TM4SF18: variants seen among roughly 807,000 people sequenced by gnomAD.
TM4SF18 encodes the protein transmembrane 4 L6 family member 18.
TM4SF18 carries 22 observed loss-of-function variants against 23.8 expected under a neutral mutation model. The ratio of observed to expected loss-of-function variants is 0.92; its 90% CI spans 0.66 to 1.32. The LOEUF (loss-of-function observed/expected upper bound fraction) is 1.32. Among genes scored for constraint, TM4SF18 ranks in the 40% most tolerant of loss-of-function variants. TM4SF18 has a pLI of 0.00. For missense variants in TM4SF18, 255 were observed against 240.3 expected (o/e 1.06, Z -0.41); for synonymous variants, 87 against 87.9 (o/e 0.99, Z 0.06).
At chr3:149,324,200 A>G (rs931248330) in intron 4 of TM4SF18, among the ~76,000 whole-genome samples, 1 of 152,172 alleles carries the variant, frequency 6.6e-6, no homozygotes, top group Admixed American at 6.5e-5. Context: ...TAAGCCCAGC[A>G]CAATGCCAGT....
chr3:149,322,905 C>CTTTTTTTTTGTTTTTTTTTTTTT, intron 4 of TM4SF18, among the ~76,000 whole-genome samples: 1 of 128,768 alleles, frequency 7.8e-6, no homozygotes, highest in Non-Finnish European at 1.7e-5. Flanking sequence ...GGCCTCCAGA[C>CTTTTTTTTTGTTTTTTTTTTTTT]TTTTTTTTTT....
chr3:149,330,916 T>C (rs998341490), intron 2 of TM4SF18, among the ~76,000 whole-genome samples: 1 of 152,200 alleles, frequency 6.6e-6, no homozygotes, highest in Non-Finnish European at 1.5e-5. Flanking sequence ...GACTTCAATT[T>C]CCCCATGCAT....
intron 5 of TM4SF18, 102 bp downstream of exon 5, chr3:149,322,154 G>C: frequency 9.7e-7 from 1 of 1,028,150 alleles, no homozygotes. Context: ...TAGAAATGGG[G>C]GGAAAGTGAT....
rs1443147385 is a variant in TM4SF18, at chr3:149,333,515, C to T, written c.-20G>A. On this transcript the variant is annotated splice_region_variant and 5_prime_UTR_variant, in exon 1 of 6. In the 5' UTR this introduces an upstream ATG that the reference lacks. Transcript: ENST00000296059. ...TTTTTTTTTTTGAGATTACCTACCACTTCCAGGGTCAGAGCCCTTCACTTC... is the reference window on the plus strand; with the variant it reads ...TTTTTTTTTTTGAGATTACCTACCATTTCCAGGGTCAGAGCCCTTCACTTC... 3 of 597,870 alleles carry T rather than the reference C, an allele frequency of 5.0e-6. No individual in the cohort carries two copies. The highest frequency in any genetic ancestry group is 7.8e-6 in the Non-Finnish European group (3 of 385,284). The allele number at this position is 597,870 out of a possible 1,614,324, so 37.0% of individuals were successfully genotyped here.
At chr3:149,325,830 C>G (rs1030169374) in intron 3 of TM4SF18, among the ~76,000 whole-genome samples, 2 of 152,110 alleles carry the variant, frequency 1.3e-5, no homozygotes, top group African/African-American at 4.8e-5. Context: ...TCCTCCCAAC[C>G]TTAAAAAATG....
At position 149,321,300 on chromosome 3, in the gene TM4SF18, A is replaced by C. The variant is rs1216456859; in HGVS notation, c.*178T>G. On this transcript the variant is annotated 3_prime_UTR_variant, in exon 6 of 6. Transcript: ENST00000296059. ...AGTTTCTGATGCATATTACTTAAAAAACATACTAAATGGAAGGGTGGTATA... is the reference window on the plus strand; with the variant it reads ...AGTTTCTGATGCATATTACTTAAAACACATACTAAATGGAAGGGTGGTATA... The C allele has an allele frequency of 6.9e-6, 3 of 437,796 alleles. No homozygotes were observed. The highest frequency in any genetic ancestry group is 6.1e-5 in the African/African-American group (3 of 49,144). The allele number at this position is 437,796 out of a possible 1,614,324, so 27.1% of individuals were successfully genotyped here. A position where few individuals can be genotyped will look rare whatever the true frequency, so the allele number is the denominator to read the frequency against.
intron 3 of TM4SF18, among the ~76,000 whole-genome samples, chr3:149,328,610 A>G (rs751205461): frequency 2.0e-5 from 3 of 152,224 alleles, no homozygotes; most frequent in Non-Finnish European, 4.4e-5. Context: ...AAAGTTTTAC[A>G]TAAAAATCCA....
Position 149,330,450 on chromosome 3 carries a change from A to G in TM4SF18, c.178-31T>C, listed in dbSNP as rs536865860. The G allele has an allele frequency of 4.3e-5, 60 of 1,406,282 alleles. No individual in the cohort carries two copies. In the South Asian group the frequency reaches 7.1e-4, roughly 17 times the overall value. The allele number at this position is 1,406,282 out of a possible 1,614,324, so 87.1% of individuals were successfully genotyped here. ...GGAGGGAAGACATAAAATGTTAGCA[A>G]TGAAATGCTAGTTTACATTTGTGCT... On this transcript the variant is annotated intron_variant, in intron 2 of 5. Coordinates refer to ENST00000296059, the MANE Select transcript of TM4SF18 (RefSeq NM_138786.4).
In TM4SF18 at chr3:149,326,069, A is replaced by T. The variant is rs532824767; in HGVS notation, c.268-1047T>A. Among the ~76,000 whole-genome samples the T allele has an allele frequency of 5.3e-5, 8 of 152,232 alleles. No individual in the cohort carries two copies. In the East Asian group the frequency reaches 1.4e-3, roughly 26 times the overall value. The stretch of plus-strand genomic sequence containing the variant: ...GCCATTAGGTTGCAGACATTATGAT[A>T]TTTCACCCCTAAATATTTCAGCATA... On this transcript the variant is annotated intron_variant, in intron 3 of 5. Coordinates refer to ENST00000296059, the MANE Select transcript of TM4SF18 (RefSeq NM_138786.4).
chr3:149,323,810 G>C (rs774605668), intron 4 of TM4SF18, among the ~76,000 whole-genome samples: 3 of 152,170 alleles, frequency 2.0e-5, no homozygotes, highest in Non-Finnish European at 4.4e-5. Context: ...GACTGCCTGT[G>C]GGGTTGGGCA....
chr3:149,325,071 G>T, intron 3 of TM4SF18, 49 bp from the exon 4 acceptor site: 1 of 1,570,810 alleles, frequency 6.4e-7, no homozygotes, highest in Non-Finnish European at 8.7e-7. Flanking sequence ...GCGACAAGGG[G>T]ATATTGTGGA....
At chr3:149,331,898 T>A (rs1057309605) in intron 2 of TM4SF18, among the ~76,000 whole-genome samples, 5 of 152,222 alleles carry the variant, frequency 3.3e-5, no homozygotes, top group African/African-American at 1.2e-4. Flanking sequence ...TTTTCACCAC[T>A]GTATGAAGTG....
At chr3:149,326,003 A>AT (rs1559990954) in intron 3 of TM4SF18, among the ~76,000 whole-genome samples, 3 of 152,180 alleles carry the variant, frequency 2.0e-5, no homozygotes. Flanking sequence ...ACACCTGTAC[A>AT]TATATACAAA....
chr3:149,325,113 AC>A, intron 3 of TM4SF18, 91 bp from the exon 4 acceptor site: 1 of 1,325,584 alleles, frequency 7.5e-7, no homozygotes, highest in Non-Finnish European at 1.1e-6. Context: ...TCCCCTATTC[AC>A]CCAAGCTCAT....
chr3:149,324,865 G>T lies in TM4SF18; in HGVS notation c.410+15C>A. The stretch of plus-strand genomic sequence containing the variant: ...TGATTTTCCGACCTCCTTGGTTTGG[G>T]GAATTATTCCTTACCGTCCAGCAGT... On this transcript the variant is annotated intron_variant, in intron 4 of 5. Transcript: ENST00000296059. 1 of 1,613,424 alleles carries T rather than the reference G, an allele frequency of 6.2e-7. No individual in the cohort carries two copies. The highest frequency in any genetic ancestry group is 8.5e-7 in the Non-Finnish European group (1 of 1,179,582).
At chr3:149,325,114 C>T (rs992090407) in intron 3 of TM4SF18, 92 bp from the exon 4 acceptor site, 4 of 1,322,478 alleles carry the variant, frequency 3.0e-6, no homozygotes, top group Non-Finnish European at 4.2e-6. Context: ...CCCCTATTCA[C>T]CCAAGCTCAT....
At chr3:149,321,534 C>T (rs1576829920) in intron 5 of TM4SF18, 42 bp from the exon 6 acceptor site, 2 of 1,469,116 alleles carry the variant, frequency 1.4e-6, no homozygotes, top group East Asian at 2.3e-5. Context: ...AAGTTATAAA[C>T]TTGGCTTGAT....
chr3:149,324,691 G>A lies in TM4SF18; in HGVS notation c.410+189C>T, dbSNP rs1386336869. On this transcript the variant is annotated intron_variant, in intron 4 of 5. Coordinates refer to ENST00000296059, the MANE Select transcript of TM4SF18 (RefSeq NM_138786.4). ...ATGAAAATGGCATTAAAAGACTGAA[G>A]AAAAAAATCTAAACAAAGATCTGTG... The A allele has an allele frequency of 7.2e-5, 49 of 684,130 alleles. No homozygotes were observed. The East Asian group carries it at 1.4e-3, about 19-fold the overall frequency. 42.4% of individuals were successfully genotyped at this position (684,130 alleles called of 1,614,324 possible). A position where few individuals can be genotyped will look rare whatever the true frequency, so the allele number is the denominator to read the frequency against.
At chr3:149,324,810 C>T (rs1576831566) in intron 4 of TM4SF18, 70 bp downstream of exon 4, 14 of 1,591,260 alleles carry the variant, frequency 8.8e-6, no homozygotes, top group Middle Eastern at 1.7e-4. Context: ...GGAAAATGAG[C>T]GTGAGCTTGA....
Sources: gnomAD v4.1 joint callset for allele counts (sites outside exome capture counted in the v4.1 genomes callset) on GRCh38, gnomAD v4.1.1 for gene constraint, MANE v1.5 for transcripts, NCBI Gene and HGNC (gene_info 2026-07-23, HGNC 2026-07-21) for gene names.